ANKS1B: variants seen among roughly 807,000 people sequenced by gnomAD.
ANKS1B encodes the protein ankyrin repeat and sterile alpha motif domain-containing protein 1B.
ANKS1B carries 36 observed loss-of-function variants against 148.3 expected under a neutral mutation model. The ratio of observed to expected loss-of-function variants is 0.24; its 90% CI spans 0.19 to 0.32. ANKS1B has a LOEUF of 0.32. ANKS1B is among the 10% of genes least tolerant of loss of function. ANKS1B has a pLI of 1.00. For missense variants in ANKS1B, 1,157 were observed against 1,542.6 expected, an observed-to-expected ratio of 0.75 and a Z score of 4.19; for synonymous variants, 542 against 560.8, an observed-to-expected ratio of 0.97 and a Z score of 0.47.
At chr12:99,346,047 T>C (rs1283727598) in intron 12 of ANKS1B, among the ~76,000 whole-genome samples, 1 of 151,858 alleles carries the variant, frequency 6.6e-6, no homozygotes, top group Non-Finnish European at 1.5e-5. Flanking sequence ...TGGAGAACAT[T>C]TTTTTTCCTA....
intron 8 of ANKS1B, among the ~76,000 whole-genome samples, chr12:99,751,513 G>A (rs1462398616): frequency 6.6e-6 from 1 of 151,956 alleles, no homozygotes; most frequent in Non-Finnish European, 1.5e-5. Flanking sequence ...AACTACCCCA[G>A]GCAAGACTGA....
chr12:99,577,332 T>TAAATAAAA (rs2097528700), intron 9 of ANKS1B, among the ~76,000 whole-genome samples: 1 of 146,580 alleles, frequency 6.8e-6, no homozygotes, highest in Admixed American at 6.8e-5. Context: ...AATAAATAAA[T>TAAATAAAA]AAAAGCAAAC....
At chr12:98,767,601 G>T (rs535678690) in intron 25 of ANKS1B, among the ~76,000 whole-genome samples, 1 of 152,266 alleles carries the variant, frequency 6.6e-6, no homozygotes, top group African/African-American at 2.4e-5. Context: ...AATTAGCAAG[G>T]GTCTGGCAGC....
At chr12:99,068,862 C>T (rs568894636) in intron 16 of ANKS1B, among the ~76,000 whole-genome samples, 2 of 152,262 alleles carry the variant, frequency 1.3e-5, no homozygotes, top group East Asian at 3.9e-4. Flanking sequence ...GCTAAAAACA[C>T]CTGTTCATTC....
At chr12:99,561,220 A>G (rs2097333037) in intron 9 of ANKS1B, among the ~76,000 whole-genome samples, 2 of 152,044 alleles carry the variant, frequency 1.3e-5, no homozygotes, top group African/African-American at 4.8e-5. Context: ...CAATTCTTCT[A>G]TAGCATGTGA....
At chr12:99,168,729 C>T (rs775033828) in intron 14 of ANKS1B, among the ~76,000 whole-genome samples, 28 of 151,978 alleles carry the variant, frequency 1.8e-4, no homozygotes, top group Non-Finnish European at 3.4e-4. Flanking sequence ...ATTTGAGGAC[C>T]AATGACCTGC....
At chr12:99,154,850 C>A (rs971551837) in intron 14 of ANKS1B, 5 of 1,530,568 alleles carry the variant, frequency 3.3e-6, no homozygotes, top group South Asian at 1.2e-5. Context: ...CCCCCTCGCT[C>A]GCTCCCCTTC....
intron 12 of ANKS1B, among the ~76,000 whole-genome samples, chr12:99,298,440 C>T (rs986698593): frequency 2.7e-4 from 41 of 152,186 alleles, no homozygotes; most frequent in African/African-American, 9.6e-4. Flanking sequence ...ATGTATCTTG[C>T]TTCCCCTTTG....
At chr12:99,824,264 G>A (rs546564957) in intron 2 of ANKS1B, among the ~76,000 whole-genome samples, 5 of 152,014 alleles carry the variant, frequency 3.3e-5, no homozygotes, top group Non-Finnish European at 7.4e-5. Flanking sequence ...CACTTTGGGA[G>A]GCCAAGGCGG....
chr12:99,926,218 G>C (rs1345852054), intron 1 of ANKS1B, among the ~76,000 whole-genome samples: 1 of 152,120 alleles, frequency 6.6e-6, no homozygotes, highest in Non-Finnish European at 1.5e-5. Context: ...GCTTATATTA[G>C]GACTGCAAAG....
intron 26 of ANKS1B, among the ~76,000 whole-genome samples, chr12:98,748,824 G>A (rs1038704809): frequency 1.3e-5 from 2 of 152,138 alleles, no homozygotes; most frequent in African/African-American, 4.8e-5. Flanking sequence ...TGCTCTTCTG[G>A]AAGAAGCCTG....
At chr12:99,179,290 G>C (rs936732168) in intron 14 of ANKS1B, among the ~76,000 whole-genome samples, 1 of 151,802 alleles carries the variant, frequency 6.6e-6, no homozygotes, top group Non-Finnish European at 1.5e-5. Context: ...TTAGCCGGGC[G>C]TGGTGGCGGG....
chr12:98,957,094 A>G (rs1227164489), intron 17 of ANKS1B, among the ~76,000 whole-genome samples: 3 of 152,190 alleles, frequency 2.0e-5, no homozygotes, highest in African/African-American at 7.2e-5. Flanking sequence ...TTCCAGGTTC[A>G]GTTCAGAATA....
intron 8 of ANKS1B, among the ~76,000 whole-genome samples, chr12:99,670,642 A>G (rs377167239): frequency 7.2e-5 from 11 of 152,286 alleles, no homozygotes; most frequent in African/African-American, 2.6e-4. Context: ...AGACAGTAAA[A>G]CTAGACCAAA....
At chr12:99,514,053 A>G (rs2096792215) in intron 9 of ANKS1B, among the ~76,000 whole-genome samples, 1 of 152,088 alleles carries the variant, frequency 6.6e-6, no homozygotes, top group African/African-American at 2.4e-5. Flanking sequence ...TCTAAATAGT[A>G]AATTCATTTA....
At chr12:99,578,370 A>G (rs1469300010) in intron 9 of ANKS1B, among the ~76,000 whole-genome samples, 1 of 152,156 alleles carries the variant, frequency 6.6e-6, no homozygotes, top group African/African-American at 2.4e-5. Flanking sequence ...CAATCAGGCA[A>G]GAGAAAGAAA....
chr12:99,558,642 C>A (rs2097302539), intron 9 of ANKS1B, among the ~76,000 whole-genome samples: 1 of 152,130 alleles, frequency 6.6e-6, no homozygotes, highest in Admixed American at 6.5e-5. Context: ...GAGGAAGCAC[C>A]TTGGTTGGGC....
chr12:99,043,519 A>G (rs986365047), intron 17 of ANKS1B, among the ~76,000 whole-genome samples: 1 of 152,238 alleles, frequency 6.6e-6, no homozygotes, highest in Non-Finnish European at 1.5e-5. Context: ...ACCAGATGGC[A>G]GCAGGGTGCC....
intron 10 of ANKS1B, among the ~76,000 whole-genome samples, chr12:99,470,649 C>T (rs1164900059): frequency 6.6e-6 from 1 of 152,118 alleles, no homozygotes; most frequent in East Asian, 1.9e-4. Context: ...TTTATGCTAA[C>T]AAGAGTGTGC....
Sources: gnomAD v4.1 joint callset for allele counts (sites outside exome capture counted in the v4.1 genomes callset) on GRCh38, gnomAD v4.1.1 for gene constraint, MANE v1.5 for transcripts, NCBI Gene and HGNC (gene_info 2026-07-23, HGNC 2026-07-21) for gene names.